MYO3B: variants seen among roughly 807,000 people sequenced by gnomAD.
MYO3B encodes myosin-IIIb.
Under a neutral mutation model 174.6 loss-of-function variants are expected in MYO3B, and 156 were observed. The observed-to-expected ratio is 0.89, with a 90% CI of 0.78 to 1.02. MYO3B has a LOEUF of 1.02. Among genes scored for constraint, MYO3B ranks in the 50% least tolerant of loss-of-function variants. The pLI is 0.00. For synonymous variants in MYO3B, 563 were observed against 569.1 expected (o/e 0.99, Z 0.15); for missense variants, 1,632 against 1,639.4 (o/e 1.00, Z 0.08).
intron 7 of MYO3B, among the ~76,000 whole-genome samples, chr2:170,300,158 ACTTACC>A (rs2093656671): frequency 1.4e-5 from 1 of 73,798 alleles, no homozygotes; most frequent in Non-Finnish European, 3.6e-5. Flanking sequence ...GGTAGATTGT[ACTTACC>A]TGTACCTTTG....
At chr2:170,276,307 G>C (rs569748984) in intron 7 of MYO3B, among the ~76,000 whole-genome samples, 2 of 152,126 alleles carry the variant, frequency 1.3e-5, no homozygotes, top group Non-Finnish European at 2.9e-5. Context: ...TTGGTCGTCT[G>C]TTATTTTTAG....
intron 7 of MYO3B, among the ~76,000 whole-genome samples, chr2:170,263,247 G>A (rs1304760739): frequency 6.6e-6 from 1 of 152,164 alleles, no homozygotes; most frequent in Non-Finnish European, 1.5e-5. Context: ...GCATCAACTT[G>A]GCTGCTACAT....
intron 30 of MYO3B, among the ~76,000 whole-genome samples, chr2:170,541,038 C>T (rs143339405): frequency 6.6e-6 from 1 of 152,278 alleles, no homozygotes; most frequent in African/African-American, 2.4e-5. Context: ...TTACATTGAG[C>T]TGCCTTCGAT....
At chr2:170,354,279 GTTCTGTTTTGT>G (rs2094102462) in intron 8 of MYO3B, among the ~76,000 whole-genome samples, 1 of 151,642 alleles carries the variant, frequency 6.6e-6, no homozygotes, top group Non-Finnish European at 1.5e-5. Flanking sequence ...CCTTTTTTTT[GTTCTGTTTTGT>G]TTTTCTTTCC....
intron 7 of MYO3B, among the ~76,000 whole-genome samples, chr2:170,263,214 C>T (rs369992473): frequency 4.6e-5 from 7 of 152,100 alleles, no homozygotes; most frequent in Admixed American, 2.0e-4. Context: ...TTTTCTCCTC[C>T]GCATAGTGAG....
At chr2:170,249,414 A>C (rs569657925) in intron 7 of MYO3B, among the ~76,000 whole-genome samples, 11 of 152,194 alleles carry the variant, frequency 7.2e-5, no homozygotes, top group Non-Finnish European at 1.3e-4. Context: ...TGGCCTCAGC[A>C]GTTTAGTAAC....
At chr2:170,585,789 C>A (rs1029932785) in intron 32 of MYO3B, among the ~76,000 whole-genome samples, 1 of 152,168 alleles carries the variant, frequency 6.6e-6, no homozygotes, top group Non-Finnish European at 1.5e-5. Context: ...TGGTGGCTCA[C>A]GCCTGTAATC....
chr2:170,306,392 C>T (rs2093700877), intron 7 of MYO3B, among the ~76,000 whole-genome samples: 1 of 152,194 alleles, frequency 6.6e-6, no homozygotes, highest in Non-Finnish European at 1.5e-5. Flanking sequence ...CTAATGATTA[C>T]TTTGTGCATG....
chr2:170,388,220 T>G (rs2105757050), intron 14 of MYO3B, among the ~76,000 whole-genome samples: 1 of 152,268 alleles, frequency 6.6e-6, no homozygotes, highest in South Asian at 2.1e-4. Context: ...AAAAAGATTC[T>G]TGTATTCACG....
intron 21 of MYO3B, 123 bp from the exon 22 acceptor site, chr2:170,407,592 T>TGAAAGCTCTGGATAC: frequency 9.2e-7 from 1 of 1,081,200 alleles, no homozygotes; most frequent in Non-Finnish European, 1.4e-6. Flanking sequence ...GCTCTGGATA[T>TGAAAGCTCTGGATAC]GAAAGCTATG....
chr2:170,401,765 G>A (rs2105797170), intron 18 of MYO3B, 74 bp downstream of exon 18: 1 of 1,330,088 alleles, frequency 7.5e-7, no homozygotes, highest in East Asian at 2.4e-5. Flanking sequence ...TTTGCAAAAG[G>A]AAGCATTTGG....
intron 7 of MYO3B, among the ~76,000 whole-genome samples, chr2:170,289,390 A>T (rs777249459): frequency 6.6e-6 from 1 of 152,060 alleles, no homozygotes; most frequent in African/African-American, 2.4e-5. Flanking sequence ...CTTCTCATTA[A>T]CAATTATTGG....
chr2:170,224,185 G>A lies in MYO3B; in HGVS notation c.603+6790G>A, dbSNP rs543844835. ...ACTCTATACCAGGGACTATGATAGG[G>A]GCTTTTAAAATATTTTATTTCATTT... On this transcript the variant is annotated intron_variant, in intron 6 of 34. Coordinates refer to ENST00000408978, the MANE Select transcript of MYO3B (RefSeq NM_138995.5). 4.6e-5 allele frequency among the ~76,000 whole-genome samples: 7 copies of A among 152,260 alleles called. No homozygotes were observed. In the South Asian group the frequency reaches 1.5e-3, roughly 32 times the overall value.
intron 12 of MYO3B, among the ~76,000 whole-genome samples, chr2:170,385,479 A>G (rs982486253): frequency 6.6e-6 from 1 of 152,296 alleles, no homozygotes; most frequent in Admixed American, 6.5e-5. Context: ...AGTGCCAGGA[A>G]CCAGGGACAA....
intron 22 of MYO3B, among the ~76,000 whole-genome samples, chr2:170,420,974 T>C (rs1332785451): frequency 6.6e-6 from 1 of 152,132 alleles, no homozygotes; most frequent in Non-Finnish European, 1.5e-5. Context: ...CTGGGTTGGG[T>C]AAAATTCCTG....
At chr2:170,199,756 T>C (rs1452580411) in intron 2 of MYO3B, among the ~76,000 whole-genome samples, 1 of 152,234 alleles carries the variant, frequency 6.6e-6, no homozygotes, top group African/African-American at 2.4e-5. Context: ...GGGGTTATAA[T>C]GCTGTATGCT....
chr2:170,577,686 G>A (rs1163256882), intron 32 of MYO3B, among the ~76,000 whole-genome samples: 1 of 152,050 alleles, frequency 6.6e-6, no homozygotes, highest in East Asian at 1.9e-4. Flanking sequence ...AATATTACTG[G>A]GCACTTTAAA....
intron 22 of MYO3B, among the ~76,000 whole-genome samples, chr2:170,441,849 T>G (rs190380209): frequency 1.3e-5 from 2 of 152,340 alleles, no homozygotes; most frequent in Non-Finnish European, 2.9e-5. Flanking sequence ...TTGACCAGGC[T>G]TTTCTTTTTT....
At chr2:170,645,497 T>C (rs1262051842) in intron 32 of MYO3B, among the ~76,000 whole-genome samples, 2 of 144,566 alleles carry the variant, frequency 1.4e-5, no homozygotes, top group African/African-American at 5.1e-5. Context: ...AAAAAGTGAA[T>C]GTTCAAACTT....
Sources: allele counts gnomAD v4.1 joint callset (sites outside exome capture counted in the v4.1 genomes callset), GRCh38; gene constraint gnomAD v4.1.1; transcripts MANE v1.5; gene names NCBI Gene and HGNC (gene_info 2026-07-23, HGNC 2026-07-21).